ADAMTS17: variants seen among roughly 807,000 people sequenced by gnomAD.
ADAMTS17 encodes the protein A disintegrin and metalloproteinase with thrombospondin motifs 17.
In ADAMTS17, 113 loss-of-function variants were observed where a neutral mutation model predicts 141.5. The ratio of observed to expected loss-of-function variants is 0.80; its 90% CI spans 0.69 to 0.93. The LOEUF is 0.93. Among genes scored for constraint, ADAMTS17 ranks in the 40% least tolerant of loss-of-function variants. The pLI, the probability that ADAMTS17 is intolerant of heterozygous loss-of-function variation, is 0.00. For missense variants in ADAMTS17, 1,659 were observed against 1,517.9 expected, an observed-to-expected ratio of 1.09 and a Z score of -1.54; for synonymous variants, 768 against 630.6, an observed-to-expected ratio of 1.22 and a Z score of -3.27.
intron 14 of ADAMTS17, among the ~76,000 whole-genome samples, chr15:100,106,052 A>AC (rs1258150921): frequency 1.3e-5 from 2 of 151,906 alleles, no homozygotes; most frequent in African/African-American, 2.4e-5. Flanking sequence ...GCTGGAGTGC[A>AC]GTGGCAAAAT....
chr15:100,258,952 G>GA (rs35350975), intron 6 of ADAMTS17, among the ~76,000 whole-genome samples: 12,155 of 151,870 alleles, frequency 0.08, 627 homozygotes, highest in East Asian at 0.14. Context: ...ATTGCCTCTG[G>GA]AAAAAAAATG....
At chr15:100,331,162 G>T in intron 2 of ADAMTS17, 108 bp from the exon 3 acceptor site, 1 of 1,409,708 alleles carries the variant, frequency 7.1e-7, no homozygotes, top group Non-Finnish European at 9.8e-7. Flanking sequence ...TGGTTTTCCA[G>T]GTCTGGGCTC....
At chr15:99,977,854 G>T (rs185652370) in intron 20 of ADAMTS17, among the ~76,000 whole-genome samples, 100 of 152,078 alleles carry the variant, frequency 6.6e-4, no homozygotes, top group African/African-American at 2.0e-3. Context: ...CCCTTACATT[G>T]GCCTCTTCCC....
At chr15:100,048,780 G>A (rs1213423548) in intron 18 of ADAMTS17, 77 bp downstream of exon 18, 1 of 1,601,344 alleles carries the variant, frequency 6.2e-7, no homozygotes, top group Non-Finnish European at 8.5e-7. Flanking sequence ...GGCATTAACT[G>A]CATATCACTC....
chr15:100,116,923 G>A lies in ADAMTS17; in HGVS notation c.1812C>T (p.Phe604=). 6.2e-6 allele frequency: 10 copies of A among 1,614,164 alleles called. No homozygotes were observed. The highest frequency in any genetic ancestry group is 8.5e-6 in the Non-Finnish European group (10 of 1,180,030). The change falls in exon 13 of 22, where the codon TTC becomes TTT. Residue 604 remains phenylalanine (F), a synonymous_variant. Transcript: ENST00000268070. ...CGTGTGCCTGGCACTGCTGGTCCCG[G>A]AAGCTGGGCAGACCCTTGGGGCAGG... ...NLPCPKGLPS[F]RDQQCQAHDR...
At chr15:100,056,286 A>C (rs1436683431) in intron 15 of ADAMTS17, among the ~76,000 whole-genome samples, 1 of 152,214 alleles carries the variant, frequency 6.6e-6, no homozygotes, top group African/African-American at 2.4e-5. Flanking sequence ...GCATGTGTCT[A>C]TTTGGTTTTA....
intron 15 of ADAMTS17, among the ~76,000 whole-genome samples, chr15:100,054,573 C>A (rs184634835): frequency 2.0e-5 from 3 of 152,146 alleles, no homozygotes; most frequent in Middle Eastern, 3.2e-3. Context: ...GATCTGATAT[C>A]CCCCCATTAC....
At chr15:100,228,423 C>T (rs1057038941) in intron 7 of ADAMTS17, among the ~76,000 whole-genome samples, 1 of 152,178 alleles carries the variant, frequency 6.6e-6, no homozygotes, top group Non-Finnish European at 1.5e-5. Flanking sequence ...AATACTGGTA[C>T]CATACGCAAA....
chr15:100,272,637 G>C (rs2043955252), intron 4 of ADAMTS17, among the ~76,000 whole-genome samples: 1 of 148,226 alleles, frequency 6.7e-6, no homozygotes, highest in African/African-American at 2.5e-5. Context: ...TGTCATCTGT[G>C]AACAGAGATC....
intron 3 of ADAMTS17, among the ~76,000 whole-genome samples, chr15:100,309,391 C>T (rs1427775884): frequency 6.6e-6 from 1 of 152,188 alleles, no homozygotes; most frequent in African/African-American, 2.4e-5. Flanking sequence ...GGCTATTCCC[C>T]ACAGCTGTGA....
At chr15:100,207,347 A>C (rs7163955) in intron 7 of ADAMTS17, among the ~76,000 whole-genome samples, 7 of 152,122 alleles carry the variant, frequency 4.6e-5, no homozygotes. Context: ...TTCCAGACCC[A>C]TAAGGAATAA....
At position 100,274,627 on chromosome 15, in the gene ADAMTS17, C is replaced by A. The variant is rs1173118581; in HGVS notation, c.789+6602G>T. On this transcript the variant is annotated intron_variant, in intron 4 of 21. Coordinates refer to ENST00000268070, the MANE Select transcript of ADAMTS17 (RefSeq NM_139057.4). ...TTAAAAAACAAATTCATTCTGCCAT[C>A]AATTTCTGTCTTTGATTGAAGTTTA... Among the ~76,000 whole-genome samples the A allele has an allele frequency of 2.0e-5, 3 of 152,162 alleles. 1 individual carries two copies. In the South Asian group the frequency reaches 6.2e-4, roughly 32 times the overall value.
rs1285503007 is a variant in ADAMTS17 at position 100,059,489 on chromosome 15, C to T, written c.2138-5435G>A. Among the ~76,000 whole-genome samples the T allele has an allele frequency of 2.6e-5, 4 of 152,352 alleles. No individual in the cohort carries two copies. The East Asian group carries it at 7.7e-4, about 29-fold the overall frequency. ...TTCCAACCTTTTCACTTTGGTGTCA[C>T]TTAGCAAGATTCCAAATTTGCAATT... On this transcript the variant is annotated intron_variant, in intron 15 of 21. Coordinates refer to ENST00000268070, the MANE Select transcript of ADAMTS17 (RefSeq NM_139057.4).
At chr15:100,147,048 T>C (rs1456199414) in intron 10 of ADAMTS17, among the ~76,000 whole-genome samples, 1 of 152,138 alleles carries the variant, frequency 6.6e-6, no homozygotes, top group African/African-American at 2.4e-5. Context: ...CCTTGTGATA[T>C]TCTATTACCT....
At chr15:100,173,531 T>C (rs1255162664) in intron 8 of ADAMTS17, among the ~76,000 whole-genome samples, 2 of 152,200 alleles carry the variant, frequency 1.3e-5, no homozygotes, top group Non-Finnish European at 2.9e-5. Context: ...TTAAAAGTGC[T>C]CACTTTCTGC....
intron 19 of ADAMTS17, among the ~76,000 whole-genome samples, chr15:99,995,050 G>A (rs768043972): frequency 6.6e-6 from 1 of 152,194 alleles, no homozygotes; most frequent in Admixed American, 6.5e-5. Context: ...GATGCCAGGG[G>A]TCCGTCCATG....
chr15:100,151,843 C>T (rs756548234), intron 10 of ADAMTS17, among the ~76,000 whole-genome samples: 2 of 152,226 alleles, frequency 1.3e-5, no homozygotes, highest in Non-Finnish European at 2.9e-5. Flanking sequence ...TCTTGGCACC[C>T]CTCACCCATA....
intron 7 of ADAMTS17, among the ~76,000 whole-genome samples, chr15:100,234,831 C>G (rs1052086657): frequency 6.6e-6 from 1 of 152,186 alleles, no homozygotes; most frequent in African/African-American, 2.4e-5. Context: ...CCAGCTTCTC[C>G]CAAGGCGCCC....
chr15:100,118,457 G>A (rs2037277969), intron 12 of ADAMTS17, among the ~76,000 whole-genome samples: 1 of 152,196 alleles, frequency 6.6e-6, no homozygotes, highest in Non-Finnish European at 1.5e-5. Context: ...ACCTACTGGT[G>A]GCCCCATAGT....
Sources: allele counts gnomAD v4.1 joint callset (sites outside exome capture counted in the v4.1 genomes callset), GRCh38; gene constraint gnomAD v4.1.1; transcripts MANE v1.5; gene names NCBI Gene and HGNC (gene_info 2026-07-23, HGNC 2026-07-21).